Variants in IL7 observed in about 807,000 individuals in gnomAD.
IL7 encodes interleukin 7.
In IL7, 3 loss-of-function variants were observed where a neutral mutation model predicts 21.6. The observed-to-expected ratio is 0.14, with a 90% CI of 0.06 to 0.36. The LOEUF is 0.36. IL7 is among the 10% of genes least tolerant of loss of function. The pLI, the probability that IL7 is intolerant of heterozygous loss-of-function variation, is 1.00. For missense variants in IL7, 175 were observed against 200.2 expected (o/e 0.87, Z 0.76); for synonymous variants, 62 against 68.1 (o/e 0.91, Z 0.44).
At position 78,720,242 on chromosome 8, in the gene IL7, A is replaced by G. The variant is rs907247648; in HGVS notation, n.476+778T>C. Among the ~76,000 whole-genome samples the G allele has an allele frequency of 7.2e-5, 11 of 151,936 alleles. No individual in the cohort carries two copies. The South Asian group carries it at 1.0e-3, about 14-fold the overall frequency. On this transcript the variant is annotated intron_variant and non_coding_transcript_variant, in intron 5 of 6. Transcript: ENST00000519833. The stretch of plus-strand genomic sequence containing the variant: ...GTAGAAGCTCTGGAGATGAAAAAAT[A>G]TTAGAAAACACAGATAACAAAGAAT...
intron 2 of IL7, chr8:78,760,177 G>A: frequency 6.6e-7 from 1 of 1,524,934 alleles, no homozygotes; most frequent in Non-Finnish European, 8.8e-7. Context: ...TTATCTGTAG[G>A]AAGCTCTGAC....
chr8:78,699,953 T>C (rs1810547796), intron 3 of IL7, among the ~76,000 whole-genome samples: 1 of 152,108 alleles, frequency 6.6e-6, no homozygotes, highest in Non-Finnish European at 1.5e-5. Context: ...TATAATAGAA[T>C]GATATATATT....
chr8:78,768,542 T>G (rs1190187463), intron 2 of IL7, among the ~76,000 whole-genome samples: 1 of 150,872 alleles, frequency 6.6e-6, no homozygotes, highest in African/African-American at 2.4e-5. Flanking sequence ...CATTTTTTCA[T>G]GTGTTTTTTG....
At chr8:78,698,604 T>A in intron 3 of IL7, 1 of 962,028 alleles carries the variant, frequency 1.0e-6, no homozygotes, top group South Asian at 2.3e-5. Flanking sequence ...TTCATTCATC[T>A]TCATTTCCTA....
At chr8:78,681,015 G>C (rs62518977) in intron 4 of IL7, among the ~76,000 whole-genome samples, 7,763 of 152,000 alleles carry the variant, frequency 0.051, 278 homozygotes, top group Middle Eastern at 0.075. Flanking sequence ...GAGGCCCTTA[G>C]AAAACATTAG....
intron 3 of IL7, among the ~76,000 whole-genome samples, chr8:78,706,864 TATC>T (rs2130584884): frequency 6.6e-6 from 1 of 152,258 alleles, no homozygotes; most frequent in Non-Finnish European, 1.5e-5. Flanking sequence ...ATAATGTAAT[TATC>T]ATTATAGAAA....
At chr8:78,712,410 G>A (rs533073045) in intron 3 of IL7, among the ~76,000 whole-genome samples, 1 of 151,460 alleles carries the variant, frequency 6.6e-6, no homozygotes, top group South Asian at 2.1e-4. Flanking sequence ...TAGTAATTAG[G>A]GTTTTTTGTA....
At chr8:78,778,629 AT>A (rs1400646751) in intron 2 of IL7, among the ~76,000 whole-genome samples, 1 of 151,758 alleles carries the variant, frequency 6.6e-6, no homozygotes, top group Non-Finnish European at 1.5e-5. Context: ...GTACTGTGCT[AT>A]TTTGGTTGCT....
exon 4 of IL7, chr8:78,721,405 T>A (rs1811235625): frequency 6.6e-6 from 1 of 152,074 alleles, no homozygotes; most frequent in Non-Finnish European, 1.5e-5. Flanking sequence ...GTCCGTTTGA[T>A]CTGTAAAATG....
intron 2 of IL7, among the ~76,000 whole-genome samples, chr8:78,750,220 C>T (rs1812121009): frequency 6.6e-6 from 1 of 151,910 alleles, no homozygotes; most frequent in South Asian, 2.1e-4. Flanking sequence ...TGCCCTGTAC[C>T]ACCTAAGGAG....
intron 2 of IL7, among the ~76,000 whole-genome samples, chr8:78,766,952 C>G (rs1812773984): frequency 6.6e-6 from 1 of 152,092 alleles, no homozygotes; most frequent in East Asian, 1.9e-4. Context: ...TGTCATCAGT[C>G]TTTACCATTT....
At chr8:78,749,806 G>A (rs2130728935) in intron 2 of IL7, among the ~76,000 whole-genome samples, 1 of 152,206 alleles carries the variant, frequency 6.6e-6, no homozygotes, top group East Asian at 1.9e-4. Context: ...GCCAGAGGTG[G>A]GAGGATCACT....
At chr8:78,798,979 T>C (rs1277159437) in intron 1 of IL7, among the ~76,000 whole-genome samples, 5 of 152,076 alleles carry the variant, frequency 3.3e-5, no homozygotes, top group African/African-American at 1.2e-4. Context: ...TTAGGAGCAA[T>C]TGTCTAATCA....
At chr8:78,675,808 T>C (rs200718109) in exon 5 of IL7, 4 of 1,609,762 alleles carry the variant, frequency 2.5e-6, no homozygotes, top group East Asian at 2.2e-5. Context: ...GTTGTCCAAG[T>C]TGGAGAATTG....
chr8:78,760,491 C>A, intron 2 of IL7: 1 of 1,540,074 alleles, frequency 6.5e-7, no homozygotes, highest in Non-Finnish European at 8.7e-7. Context: ...CATTTGATTC[C>A]CCAACAATGA....
intron 4 of IL7, among the ~76,000 whole-genome samples, chr8:78,677,030 T>G (rs1038354828): frequency 1.3e-5 from 2 of 152,032 alleles, no homozygotes; most frequent in African/African-American, 2.4e-5. Context: ...CAGTGCTTGG[T>G]TGTTGAAATG....
At chr8:78,695,039 T>C (rs1275193448) in intron 3 of IL7, among the ~76,000 whole-genome samples, 1 of 152,030 alleles carries the variant, frequency 6.6e-6, no homozygotes, top group Non-Finnish European at 1.5e-5. Context: ...ATAGATAGAA[T>C]ATAGCTCAGA....
At chr8:78,803,495 T>G (rs752503548) in intron 1 of IL7, among the ~76,000 whole-genome samples, 1 of 152,138 alleles carries the variant, frequency 6.6e-6, no homozygotes, top group Non-Finnish European at 1.5e-5. Flanking sequence ...GAAACAAACT[T>G]CAGGAAGCCA....
chr8:78,794,984 A>G (rs1813807719), intron 2 of IL7, among the ~76,000 whole-genome samples: 2 of 152,102 alleles, frequency 1.3e-5, no homozygotes, highest in Admixed American at 1.3e-4. Context: ...TGAATAAACT[A>G]TCACAGAGAT....
Sources: allele counts gnomAD v4.1 joint callset (sites outside exome capture counted in the v4.1 genomes callset), GRCh38; gene constraint gnomAD v4.1.1; transcripts MANE v1.5; gene names NCBI Gene and HGNC (gene_info 2026-07-23, HGNC 2026-07-21).